The following ZNF385D variants were observed in gnomAD, a reference collection of about 807,000 sequenced individuals.
ZNF385D encodes zinc finger protein 659.
A neutral mutation model predicts 35.8 loss-of-function variants in ZNF385D; 15 were observed. The ratio of observed to expected loss-of-function variants is 0.42; its 90% CI spans 0.28 to 0.64. ZNF385D has a LOEUF of 0.64. Among genes scored for constraint, ZNF385D ranks in the 30% least tolerant of loss-of-function variants. The probability of loss-of-function intolerance (pLI) is 0.23; values close to 1 mark genes in which losing one functional copy is unlikely to be tolerated. For synonymous variants in ZNF385D, 212 were observed against 186.8 expected, an observed-to-expected ratio of 1.13 and a Z score of -1.10; for missense variants, 474 against 494.6, an observed-to-expected ratio of 0.96 and a Z score of 0.39.
intron 3 of ZNF385D, among the ~76,000 whole-genome samples, chr3:21,779,869 G>T (rs2071424131): frequency 6.6e-6 from 1 of 151,660 alleles, no homozygotes; most frequent in Non-Finnish European, 1.5e-5. Flanking sequence ...TCTTTTTGTG[G>T]TCCTCACTAT....
intron 3 of ZNF385D, among the ~76,000 whole-genome samples, chr3:21,861,743 T>C (rs148962049): frequency 6.6e-6 from 1 of 152,232 alleles, no homozygotes; most frequent in East Asian, 1.9e-4. Flanking sequence ...GTATGAAAAT[T>C]TGGAGATGGA....
At chr3:21,974,484 G>A (rs1441676716) in intron 3 of ZNF385D, among the ~76,000 whole-genome samples, 1 of 151,884 alleles carries the variant, frequency 6.6e-6, no homozygotes, top group Admixed American at 6.6e-5. Flanking sequence ...GGAAAAAATT[G>A]GAAAAACTCT....
At chr3:21,835,341 C>T (rs745785575) in intron 3 of ZNF385D, among the ~76,000 whole-genome samples, 76 of 151,674 alleles carry the variant, frequency 5.0e-4, no homozygotes, top group Non-Finnish European at 8.8e-4. Flanking sequence ...AAATGGCTCA[C>T]GATCCTTCCA....
chr3:22,365,150 A>G (rs919174781), intron 2 of ZNF385D, among the ~76,000 whole-genome samples: 4 of 152,006 alleles, frequency 2.6e-5, no homozygotes, highest in Non-Finnish European at 4.4e-5. Flanking sequence ...TGCAAGATGA[A>G]AAGAGTTCTA....
chr3:22,323,993 A>T (rs1056956152), intron 2 of ZNF385D, among the ~76,000 whole-genome samples: 1 of 152,192 alleles, frequency 6.6e-6, no homozygotes, highest in Non-Finnish European at 1.5e-5. Flanking sequence ...GTCCAATATT[A>T]GGATAACCTA....
intron 2 of ZNF385D, among the ~76,000 whole-genome samples, chr3:21,581,493 T>C (rs2063662051): frequency 3.3e-5 from 5 of 152,162 alleles, no homozygotes; most frequent in Admixed American, 3.3e-4. Context: ...GTGTTGTATT[T>C]ATCTTAAAAC....
intron 4 of ZNF385D, among the ~76,000 whole-genome samples, chr3:21,497,945 C>T (rs896956568): frequency 9.2e-5 from 14 of 152,142 alleles, no homozygotes; most frequent in Admixed American, 5.2e-4. Flanking sequence ...ACAAAGCTGG[C>T]GGTATCACAT....
chr3:22,259,603 T>C (rs1447082359), intron 2 of ZNF385D, among the ~76,000 whole-genome samples: 1 of 151,822 alleles, frequency 6.6e-6, no homozygotes, highest in Non-Finnish European at 1.5e-5. Context: ...ATCAAAAAAA[T>C]GTTTAATTCA....
At chr3:21,745,128 C>T (rs971976769) in intron 1 of ZNF385D, among the ~76,000 whole-genome samples, 1 of 152,170 alleles carries the variant, frequency 6.6e-6, no homozygotes, top group African/African-American at 2.4e-5. Flanking sequence ...CCATTCCTGC[C>T]CCCATAGCAC....
chr3:22,338,281 A>C (rs1268623875), intron 2 of ZNF385D, among the ~76,000 whole-genome samples: 1 of 152,028 alleles, frequency 6.6e-6, no homozygotes, highest in African/African-American at 2.4e-5. Context: ...TATGTTGACA[A>C]CTCTATTTTC....
chr3:21,970,889 A>C (rs1703210002), intron 3 of ZNF385D, among the ~76,000 whole-genome samples: 1 of 152,092 alleles, frequency 6.6e-6, no homozygotes, highest in South Asian at 2.1e-4. Context: ...AAAACTTTAC[A>C]GGCCAGGAGA....
intron 2 of ZNF385D, among the ~76,000 whole-genome samples, chr3:21,574,706 A>T (rs1287362619): frequency 6.6e-6 from 1 of 152,078 alleles, no homozygotes; most frequent in African/African-American, 2.4e-5. Flanking sequence ...AAGATGAAAT[A>T]AGATTGGTCC....
intron 2 of ZNF385D, among the ~76,000 whole-genome samples, chr3:21,661,806 G>A (rs953217076): frequency 6.6e-6 from 1 of 152,096 alleles, no homozygotes; most frequent in African/African-American, 2.4e-5. Context: ...ACTCAGCTCT[G>A]ATTCTACATC....
intron 3 of ZNF385D, among the ~76,000 whole-genome samples, chr3:22,113,379 T>C (rs965685334): frequency 6.6e-6 from 1 of 152,106 alleles, no homozygotes; most frequent in South Asian, 2.1e-4. Context: ...CTACCTTATA[T>C]AGTGTTTAAA....
chr3:21,752,027 A>AC (rs2070127064), upstream of ZNF385D, among the ~76,000 whole-genome samples: 2 of 33,280 alleles, frequency 6.0e-5, no homozygotes, highest in Non-Finnish European at 6.7e-5. Flanking sequence ...CCCCCCCACC[A>AC]CACACACACA....
At chr3:21,895,352 G>C (rs1463732657) in intron 3 of ZNF385D, among the ~76,000 whole-genome samples, 1 of 104,252 alleles carries the variant, frequency 9.6e-6, no homozygotes, top group Non-Finnish European at 1.8e-5. Context: ...TTTTAAGACA[G>C]AGTCTCACTC....
chr3:21,675,664 T>G (rs2066703759), intron 1 of ZNF385D, among the ~76,000 whole-genome samples: 1 of 152,084 alleles, frequency 6.6e-6, no homozygotes, highest in South Asian at 2.1e-4. Context: ...CAGTATATAC[T>G]AAGAGGCGAT....
chr3:21,731,633 G>A (rs1164756477), intron 1 of ZNF385D, among the ~76,000 whole-genome samples: 2 of 152,094 alleles, frequency 1.3e-5, no homozygotes, highest in Admixed American at 1.3e-4. Context: ...GTTTCATTGT[G>A]CTAAAAATCC....
intron 2 of ZNF385D, among the ~76,000 whole-genome samples, chr3:22,340,693 A>C (rs1368380904): frequency 6.6e-6 from 1 of 152,126 alleles, no homozygotes; most frequent in African/African-American, 2.4e-5. Context: ...CATACAAGAG[A>C]TACAAATACA....
Sources: allele counts gnomAD v4.1 joint callset (sites outside exome capture counted in the v4.1 genomes callset), GRCh38; gene constraint gnomAD v4.1.1; transcripts MANE v1.5; gene names NCBI Gene and HGNC (gene_info 2026-07-23, HGNC 2026-07-21).